Variants in OBSL1 observed in about 807,000 individuals in gnomAD.
OBSL1 encodes the protein obscurin like cytoskeletal adaptor 1, also known as obscurin-like protein 1.
OBSL1 carries 160 observed loss-of-function variants against 172.0 expected under a neutral mutation model. The observed-to-expected ratio is 0.93, with a 90% confidence interval of 0.82 to 1.06. OBSL1 has a LOEUF of 1.06. Ranked by LOEUF, OBSL1 falls within the 50% of genes least tolerant of loss-of-function variation. The pLI is 0.00. For missense variants in OBSL1, 2,681 were observed against 2,715.4 expected (o/e 0.99, Z 0.28); for synonymous variants, 1,200 against 1,196.3 (o/e 1.00, Z -0.06).
At chr2:219,565,833 GCC>G (rs1293669655) in intron 5 of OBSL1, among the ~76,000 whole-genome samples, 5 of 152,116 alleles carry the variant, frequency 3.3e-5, no homozygotes, top group Admixed American at 6.5e-5. Context: ...GTCTCACCTG[GCC>G]CCTCTGCCTG....
At chr2:219,557,213 T>C in intron 12 of OBSL1, 130 bp downstream of exon 12, 2 of 844,844 alleles carry the variant, frequency 2.4e-6, no homozygotes, top group Non-Finnish European at 3.4e-6. Context: ...CCTATCCAAG[T>C]GATGGTCATG....
At chr2:219,562,126 C>G in intron 8 of OBSL1, 2 of 681,182 alleles carry the variant, frequency 2.9e-6, no homozygotes, top group Non-Finnish European at 5.5e-6. Flanking sequence ...GAATAGGGAC[C>G]GTATTTGCAT....
intron 16 of OBSL1, 47 bp downstream of exon 16, chr2:219,553,527 T>C: frequency 7.7e-7 from 1 of 1,303,556 alleles, no homozygotes; most frequent in Non-Finnish European, 1.1e-6. Flanking sequence ...GGCATTATTA[T>C]CGTTGGTGTT....
Position 219,557,602 on chromosome 2 carries a change from C to G in OBSL1, c.3807G>C (p.Val1269=), listed in dbSNP as rs569020703. The change falls in exon 12 of 21, where the codon GTG becomes GTC. Residue 1269 remains valine (V), a synonymous_variant. Coordinates refer to ENST00000404537, the MANE Select transcript of OBSL1 (RefSeq NM_015311.3). ...TCGTCTGGGCTGCCTCGGGAGCTAC[C>G]ACCCGCACAGGGGGCTCTGTGGAGT... ...TVQVAEPPVR[V]VAPEAAQTRV... The G allele has an allele frequency of 6.3e-5, 97 of 1,543,802 alleles. No individual in the cohort carries two copies. The highest frequency in any genetic ancestry group is 8.3e-5 in the Non-Finnish European group (95 of 1,141,946).
chr2:219,566,696 C>T, intron 5 of OBSL1, 134 bp downstream of exon 5: 5 of 1,014,102 alleles, frequency 4.9e-6, no homozygotes, highest in Non-Finnish European at 7.0e-6. Context: ...GAGCCCTCAA[C>T]CTCAGCCCAT....
Position 219,555,060 on chromosome 2 carries a change from C to A in OBSL1, c.4610-320G>T. The A allele has an allele frequency of 1.4e-5, 5 of 368,380 alleles. No homozygotes were observed. The East Asian group carries it at 2.4e-4, about 18-fold the overall frequency. The allele number at this position is 368,380 out of a possible 1,614,324, so 22.8% of individuals were successfully genotyped here. ...GTCAGACACACTAGGAATGGAACCT[C>A]GCTCTACCACATAGTTTGTGTGCTA... On this transcript the variant is annotated intron_variant, in intron 14 of 20. Coordinates refer to ENST00000404537, the MANE Select transcript of OBSL1 (RefSeq NM_015311.3).
intron 1 of OBSL1, chr2:219,569,140 T>C (rs1697153201): frequency 6.6e-6 from 1 of 152,032 alleles, no homozygotes; most frequent in Admixed American, 6.5e-5. Flanking sequence ...CTAGGGCTGC[T>C]GGAGAAGCAA....
chr2:219,565,543 C>G, intron 5 of OBSL1, 29 bp from the exon 6 acceptor site: 1 of 1,593,300 alleles, frequency 6.3e-7, no homozygotes, highest in Non-Finnish European at 8.5e-7. Flanking sequence ...AGATAAGCAC[C>G]CCTCCCTCCG....
Position 219,552,700 on chromosome 2 carries a change from G to T in OBSL1, c.5147-3C>A. The T allele has an allele frequency of 6.6e-7, 1 of 1,521,862 alleles. No homozygotes were observed. The highest frequency in any genetic ancestry group is 1.4e-5 in the African/African-American group (1 of 72,472). 94.3% of individuals were successfully genotyped at this position (1,521,862 alleles called of 1,614,324 possible). A position where few individuals can be genotyped will look rare whatever the true frequency, so the allele number is the denominator to read the frequency against. ...GGAGAGTACCGCCACAGTACGCTCT[G>T]GGGCGGAGCCCGGGGCGTGAGCGGG... On this transcript the variant is annotated splice_region_variant and splice_polypyrimidine_tract_variant and intron_variant, in intron 17 of 20. Transcript: ENST00000404537.
At chr2:219,553,422 T>C (rs1227524477) in intron 16 of OBSL1, among the ~76,000 whole-genome samples, 152 bp downstream of exon 16, 3 of 152,190 alleles carry the variant, frequency 2.0e-5, no homozygotes, top group African/African-American at 7.2e-5. Flanking sequence ...ACCTACCTCC[T>C]AGAGTTGTCC....
Position 219,567,949 on chromosome 2 carries a change from G to T in OBSL1, c.1303C>A (p.Pro435Thr), listed in dbSNP as rs1185397664. Reference sequence around the variant, plus strand: ...CCTTCCAGGACGTCGAGCTTCCGGGGCAGGCGCTTCAGGATGGGCCCTGAG... The same window carrying T: ...CCTTCCAGGACGTCGAGCTTCCGGGTCAGGCGCTTCAGGATGGGCCCTGAG... ...TVKGPILKRL[P>T]RKLDVLEGEN... is the part of the protein sequence containing the mutation. Residue 435 changes from proline (P) to threonine (T), a missense_variant, in exon 3 of 21, where the codon CCC (proline) becomes ACC (threonine). Pro to Thr is a conservative substitution (Grantham distance 38). Around this residue, in one of 5 missense-constraint regions of OBSL1, gnomAD observed 706 missense variants for 695.8 expected, o/e 1.01. Transcript: ENST00000404537. 1 of 1,613,814 alleles carries T rather than the reference G, an allele frequency of 6.2e-7. No homozygotes were observed. The highest frequency in any genetic ancestry group is 8.5e-7 in the Non-Finnish European group (1 of 1,179,888).
At chr2:219,566,095 C>T (rs1009975335) in intron 5 of OBSL1, among the ~76,000 whole-genome samples, 4 of 152,184 alleles carry the variant, frequency 2.6e-5, no homozygotes, top group Admixed American at 1.3e-4. Flanking sequence ...TCATTAGCTC[C>T]GTACTTTGAG....
chr2:219,567,551 G>A lies in OBSL1; in HGVS notation c.1559C>T (p.Pro520Leu). 3 of 1,612,008 alleles carry A rather than the reference G, an allele frequency of 1.9e-6. No homozygotes were observed. The highest frequency in any genetic ancestry group is 1.7e-4 in the Middle Eastern group (1 of 6,056). Residue 520 changes from proline to leucine, a missense_variant, in exon 4 of 21, where the codon CCC becomes CTC. Pro to Leu is a moderately conservative substitution (Grantham distance 98, BLOSUM62 -3). Transcript: ENST00000404537. ...VKCVKHSPPGPPILAEMFKGH... is the reference protein window; with the variant it reads ...VKCVKHSPPGLPILAEMFKGH... ...CTTGAACATCTCTGCCAATATGGGG[G>A]GTCCTGGGGGACTGTGCTTGACACC... is the stretch of plus-strand genomic sequence containing the variant.
At chr2:219,549,343 G>T, downstream of OBSL1, 2 of 1,612,436 alleles carry the variant, frequency 1.2e-6, no homozygotes, top group South Asian at 1.1e-5. Flanking sequence ...CAATGGAGAC[G>T]TCCTCTCCCC....
rs550365094 is a variant in OBSL1 at position 219,559,205 on chromosome 2, G to C, written c.3226+20C>G. 3 of 1,583,090 alleles carry C rather than the reference G, an allele frequency of 1.9e-6. No homozygotes were observed. The highest frequency in any genetic ancestry group is 1.3e-5 in the African/African-American group (1 of 74,774). ...CCCCCTACCTCTCTACCTCCTCTCT[G>C]TGCTGCAGAGACTGCCCACCTGTGA... On this transcript the variant is annotated intron_variant, in intron 9 of 20. Transcript: ENST00000404537.
chr2:219,552,628 T>C lies in OBSL1; in HGVS notation c.5216A>G (p.Glu1739Gly). The C allele has an allele frequency of 6.4e-7, 1 of 1,565,066 alleles. No homozygotes were observed. The highest frequency in any genetic ancestry group is 8.6e-7 in the Non-Finnish European group (1 of 1,161,196). Reference protein sequence around the residue: ...SAREGDGATFECTVSEVETTG... With the variant: ...SAREGDGATFGCTVSEVETTG... ...GGTCTCGACCTCCGACACGGTGCAC[T>C]CGAACGTAGCGCCGTCGCCTTCGCG... The change falls in exon 18 of 21, where the codon GAG (glutamate) becomes GGG (glycine). Residue 1739 changes from glutamate to glycine, a missense_variant. Glu to Gly is a moderately conservative substitution (Grantham distance 98). Around this residue, in one of 5 missense-constraint regions of OBSL1, gnomAD observed 1,765 missense variants for 1,748.3 expected, o/e 1.01. Transcript: ENST00000404537.
Position 219,570,582 on chromosome 2 carries a change from G to A in OBSL1, c.651C>T (p.His217=). 2 of 1,527,572 alleles carry A rather than the reference G, an allele frequency of 1.3e-6. No individual in the cohort carries two copies. The highest frequency in any genetic ancestry group is 1.2e-5 in the South Asian group (1 of 81,268). 94.6% of individuals were successfully genotyped at this position (1,527,572 alleles called of 1,614,324 possible). A position where few individuals can be genotyped will look rare whatever the true frequency, so the allele number is the denominator to read the frequency against. ...CCTGGAGCAGCGCCCCCGCCTGCGC[G>A]TGGCCGTGCGCGTTGCGGGCGTGGC... ...YVCHARNAHG[H]AQAGALLQVH... Residue 217 remains histidine (H), a synonymous_variant, in exon 1 of 21, where the codon CAC becomes CAT. Coordinates refer to ENST00000404537, the MANE Select transcript of OBSL1 (RefSeq NM_015311.3).
chr2:219,551,136 ATGGGCAGAGGCAAGC>A, intron 20 of OBSL1: 1 of 1,398,632 alleles, frequency 7.1e-7, no homozygotes, highest in Non-Finnish European at 9.3e-7. Context: ...ACTTGCTGAG[ATGGGCAGAGGCAAGC>A]TGGGCAGAGG....
chr2:219,556,765 C>T, intron 12 of OBSL1, 42 bp from the exon 13 acceptor site: 2 of 1,526,356 alleles, frequency 1.3e-6, no homozygotes, highest in South Asian at 2.5e-5. Flanking sequence ...TGAGTCTTTT[C>T]TTCTCTCTCC....
Sources: gnomAD v4.1 joint callset for allele counts (sites outside exome capture counted in the v4.1 genomes callset) on GRCh38, gnomAD v4.1.1 for gene constraint, gnomAD v4.1.1 regional missense constraint, MANE v1.5 for transcripts, NCBI Gene and HGNC (gene_info 2026-07-23, HGNC 2026-07-21) for gene names.